The following ERCC6 variants were observed in gnomAD, a reference collection of about 807,000 sequenced individuals.
ERCC6 encodes DNA excision repair protein ERCC-6.
A neutral mutation model predicts 158.7 loss-of-function variants in ERCC6; 116 were observed. That is an observed-to-expected ratio of 0.73 (90% CI 0.63 to 0.85). ERCC6 has a LOEUF of 0.85. Ranked by LOEUF, ERCC6 falls within the 40% of genes least tolerant of loss-of-function variation. ERCC6 has a pLI of 0.00. For missense variants in ERCC6, 1,698 were observed against 1,799.4 expected (o/e 0.94, Z 1.02); for synonymous variants, 678 against 659.3 (o/e 1.03, Z -0.43).
chr10:49,505,831 T>G (rs755640583), intron 6 of ERCC6, 53 bp downstream of exon 6: 112 of 1,607,630 alleles, frequency 7.0e-5, no homozygotes, highest in Non-Finnish European at 8.7e-5. Flanking sequence ...AAATGTTAAT[T>G]TGTACATAAT....
chr10:49,509,399 C>T (rs900627000), intron 5 of ERCC6, among the ~76,000 whole-genome samples: 6 of 152,128 alleles, frequency 3.9e-5, no homozygotes, highest in African/African-American at 1.4e-4. Flanking sequence ...CATATTGCAA[C>T]GTACTCTGTT....
chr10:49,513,632 A>C (rs1836864177), intron 5 of ERCC6, among the ~76,000 whole-genome samples: 1 of 152,192 alleles, frequency 6.6e-6, no homozygotes, highest in Non-Finnish European at 1.5e-5. Context: ...ACAAGGCGGC[A>C]GGAGGAAGTG....
Position 49,470,272 on chromosome 10 carries a change from G to T in ERCC6, c.3688C>A (p.Arg1230Ser), listed in dbSNP as rs755377100. Reference sequence around the variant, plus strand: ...TTTTCACTGTCTTGCTTCTGGTAACGCCTTTTCTTCACCAGGTGTGGAATT... The same window carrying T: ...TTTTCACTGTCTTGCTTCTGGTAACTCCTTTTCTTCACCAGGTGTGGAATT... ...TRIPHLVKKR[R>S]YQKQDSENKS... Residue 1230 changes from arginine (R) to serine (S), a missense_variant, in exon 18 of 21, where the codon CGT (arginine) becomes AGT (serine). Arg to Ser is a moderately radical substitution (Grantham distance 110). Coordinates refer to ENST00000355832, the MANE Select transcript of ERCC6 (RefSeq NM_000124.4). 6.2e-7 allele frequency: 1 copy of T among 1,613,912 alleles called. No homozygotes were observed. The highest frequency in any genetic ancestry group is 1.7e-5 in the Admixed American group (1 of 59,990).
At chr10:49,481,565 C>T (rs770044811) in intron 10 of ERCC6, among the ~76,000 whole-genome samples, 1 of 152,194 alleles carries the variant, frequency 6.6e-6, no homozygotes, top group Non-Finnish European at 1.5e-5. Flanking sequence ...ACCTGGTAGG[C>T]ACAGGCCCAC....
the ERCC6 span, among the ~76,000 whole-genome samples, chr10:49,446,235 A>T: frequency 2.3e-5 from 3 of 127,808 alleles, no homozygotes; most frequent in African/African-American, 9.0e-5. Context: ...CGTCACACAC[A>T]CACACACACA....
chr10:49,525,143 G>T, intron 4 of ERCC6: 1 of 268,126 alleles, frequency 3.7e-6, no homozygotes, highest in Non-Finnish European at 7.1e-6. Context: ...AAGCTCCGAA[G>T]TTCTCACGTC....
At chr10:49,527,186 C>A (rs1034912393) in intron 4 of ERCC6, among the ~76,000 whole-genome samples, 1 of 152,098 alleles carries the variant, frequency 6.6e-6, no homozygotes, top group African/African-American at 2.4e-5. Context: ...ACCCTACTAC[C>A]AAAGTTTTAG....
the ERCC6 span, among the ~76,000 whole-genome samples, chr10:49,443,879 CTA>C: frequency 5.3e-5 from 8 of 152,178 alleles, no homozygotes; most frequent in African/African-American, 1.9e-4. Flanking sequence ...ATAAAAGTGC[CTA>C]TGACATGCTG....
At chr10:49,522,172 A>T (rs1232586263) in intron 5 of ERCC6, among the ~76,000 whole-genome samples, 2 of 152,242 alleles carry the variant, frequency 1.3e-5, no homozygotes, top group Non-Finnish European at 2.9e-5. Context: ...ACCACTGCTA[A>T]GACAAGCAAC....
At chr10:49,499,178 C>T (rs1851314783) in intron 7 of ERCC6, among the ~76,000 whole-genome samples, 2 of 152,140 alleles carry the variant, frequency 1.3e-5, no homozygotes, top group South Asian at 4.1e-4. Flanking sequence ...GAAAAAATCC[C>T]CTGCTTCAAT....
chr10:49,480,774 TTC>T (rs4253176), intron 10 of ERCC6, among the ~76,000 whole-genome samples: 9,826 of 152,286 alleles, frequency 0.065, 430 homozygotes, highest in Middle Eastern at 0.11. Flanking sequence ...GACACATCAC[TTC>T]TGTGATATTC....
At chr10:49,452,668 T>C (rs553723533), downstream of ERCC6, among the ~76,000 whole-genome samples, 4 of 152,264 alleles carry the variant, frequency 2.6e-5, no homozygotes, top group East Asian at 5.8e-4. Flanking sequence ...TTACTGAAAA[T>C]AGGTTATGGA....
At chr10:49,451,177 G>GTTT (rs35839478), downstream of ERCC6, among the ~76,000 whole-genome samples, 1,758 of 130,088 alleles carry the variant, frequency 0.014, 45 homozygotes, top group African/African-American at 0.026. Flanking sequence ...AGTTTCAATA[G>GTTT]TTTTTTTTTT....
intron 10 of ERCC6, 101 bp from the exon 11 acceptor site, chr10:49,478,571 T>G: frequency 1.3e-6 from 1 of 786,644 alleles, no homozygotes; most frequent in African/African-American, 1.7e-5. Flanking sequence ...AAAAAAAGAA[T>G]AACCAACAGC....
chr10:49,488,446 A>G (rs982971849), intron 8 of ERCC6: 4 of 152,032 alleles, frequency 2.6e-5, no homozygotes, highest in Non-Finnish European at 5.9e-5. Context: ...TGACAATAAG[A>G]AAAAAAAGGG....
intron 6 of ERCC6, chr10:49,501,910 T>G (rs949489919): frequency 6.6e-6 from 1 of 152,046 alleles, no homozygotes; most frequent in Admixed American, 6.6e-5. Flanking sequence ...CAATGAACCA[T>G]GATTGCACCA....
At chr10:49,531,752 T>C (rs1837473731) in intron 2 of ERCC6, among the ~76,000 whole-genome samples, 1 of 152,186 alleles carries the variant, frequency 6.6e-6, no homozygotes, top group Non-Finnish European at 1.5e-5. Flanking sequence ...ACCACATTCA[T>C]GACAGCGCCA....
chr10:49,516,151 G>A (rs1054548120), intron 5 of ERCC6: 1 of 1,614,128 alleles, frequency 6.2e-7, no homozygotes, highest in Non-Finnish European at 8.5e-7. Flanking sequence ...TATTCCTCAT[G>A]TTTAGTATTT....
At position 49,537,217 on chromosome 10, in the gene ERCC6, G is replaced by A. The variant is rs182595892; in HGVS notation, c.-15+1745C>T. On this transcript the variant is annotated intron_variant, in intron 1 of 20. Transcript: ENST00000355832. ...AAATTAGCTGGGCATGGAGGCGCGC[G>A]CCTGTAATCCCAGCTACTCGAGAGG... 5.6e-3 allele frequency among the ~76,000 whole-genome samples: 847 copies of A among 151,950 alleles called. 9 individuals carry two copies. The highest frequency in any genetic ancestry group is 0.019 in the African/African-American group (799 of 41,426).
Sources: allele counts gnomAD v4.1 joint callset (sites outside exome capture counted in the v4.1 genomes callset), GRCh38; gene constraint gnomAD v4.1.1; transcripts MANE v1.5; gene names NCBI Gene and HGNC (gene_info 2026-07-23, HGNC 2026-07-21).